Variants in TNFRSF10C observed in about 807,000 individuals in gnomAD.
TNFRSF10C encodes the protein tumor necrosis factor receptor superfamily member 10C.
In TNFRSF10C, 17 loss-of-function variants were observed where a neutral mutation model predicts 16.7. The ratio of observed to expected loss-of-function variants is 1.02; its 90% CI spans 0.70 to 1.53. The LOEUF (loss-of-function observed/expected upper bound fraction) is 1.53, where lower values mean the gene tolerates loss of function less well. TNFRSF10C is among the 40% of genes most tolerant of loss of function. TNFRSF10C has a pLI of 0.00. For missense variants in TNFRSF10C, 237 were observed against 329.7 expected (o/e 0.72, Z 2.18); for synonymous variants, 73 against 119.7 (o/e 0.61, Z 2.55).
intron 3 of TNFRSF10C, 43 bp downstream of exon 3, chr8:23,114,813 G>A (rs374048212): frequency 1.9e-6 from 3 of 1,558,518 alleles, no homozygotes; most frequent in Non-Finnish European, 2.7e-6. Context: ...GGAGCGTGGG[G>A]CAATGAGGTG....
intron 1 of TNFRSF10C, among the ~76,000 whole-genome samples, chr8:23,111,292 C>T: frequency 6.6e-6 from 1 of 151,818 alleles, no homozygotes; most frequent in East Asian, 1.9e-4. Context: ...TCTTGGCTCA[C>T]TGCAACCTCT....
At chr8:23,108,406 C>T (rs968386159) in intron 1 of TNFRSF10C, among the ~76,000 whole-genome samples, 10 of 152,130 alleles carry the variant, frequency 6.6e-5, no homozygotes, top group African/African-American at 1.7e-4. Flanking sequence ...TTTCTGGCAT[C>T]GGCTGTAACC....
At chr8:23,109,495 G>C (rs911901956) in intron 1 of TNFRSF10C, among the ~76,000 whole-genome samples, 5 of 151,990 alleles carry the variant, frequency 3.3e-5, no homozygotes, top group African/African-American at 1.2e-4. Context: ...AAATTAGCCA[G>C]GCGTGGTGGC....
intron 1 of TNFRSF10C, among the ~76,000 whole-genome samples, chr8:23,104,419 C>G (rs1413952417): frequency 6.6e-6 from 1 of 152,240 alleles, no homozygotes; most frequent in Non-Finnish European, 1.5e-5. Flanking sequence ...TTTTAATTCA[C>G]TGTTGCCGCC....
chr8:23,103,741 C>G (rs960403900), intron 1 of TNFRSF10C, among the ~76,000 whole-genome samples: 2 of 152,110 alleles, frequency 1.3e-5, no homozygotes, highest in Admixed American at 1.3e-4. Context: ...CCTCTGTATC[C>G]CATAGGCAGG....
At chr8:23,103,362 A>C (rs2128829331) in intron 1 of TNFRSF10C, 181 bp downstream of exon 1, 2 of 1,086,228 alleles carry the variant, frequency 1.8e-6, no homozygotes, top group Non-Finnish European at 2.7e-6. Context: ...GGCAGGAGGG[A>C]CCCGGCCGCG....
At position 23,117,039 on chromosome 8, in the gene TNFRSF10C, C is replaced by T; in HGVS notation, c.*8C>T. 1 of 1,611,942 alleles carries T rather than the reference C, an allele frequency of 6.2e-7. No individual in the cohort carries two copies. Among genetic ancestry groups the T allele is most frequent in the Non-Finnish European group, 8.5e-7 (1 of 1,178,690 alleles). ...CTGATTGTGTTTGTTTGAAAGACTT[C>T]ACTGTGGAAGAAATTCCTTCCTTAC... is the stretch of plus-strand genomic sequence containing the variant. On this transcript the variant is annotated 3_prime_UTR_variant, in exon 5 of 5. Transcript: ENST00000356864.
rs1253765446 is a variant in TNFRSF10C, at chr8:23,103,179, C to T, written c.58C>T (p.Pro20Ser). The change falls in exon 1 of 5, where the codon CCA becomes TCA. Residue 20 changes from proline (P) to serine (S), a missense_variant and splice_region_variant. Physicochemically the swap from Pro to Ser is moderately conservative, Grantham distance 74. This residue lies in a region of TNFRSF10C where 212 missense variants were observed against 196.8 expected (regional missense o/e 1.08). Transcript: ENST00000356864. ...FVVVIVAVLL[P>S]VLAYSATTAR... ...CGTCGTCATCGTCGCGGTCCTGCTG[C>T]CAGTGAGTCCCGGCCGCGGTCCCTG... 5 of 1,610,194 alleles carry T rather than the reference C, an allele frequency of 3.1e-6. No individual in the cohort carries two copies. The highest frequency in any genetic ancestry group is 4.2e-6 in the Non-Finnish European group (5 of 1,178,584).
In TNFRSF10C at chr8:23,103,152, G is replaced by A; in HGVS notation, c.31G>A (p.Val11Ile). The change falls in exon 1 of 5, where the codon GTC becomes ATC. Residue 11 changes from valine (V) to isoleucine (I), a missense_variant. Physicochemically the swap from Val to Ile is conservative, Grantham distance 29. This residue lies in a region of TNFRSF10C where 212 missense variants were observed against 196.8 expected (regional missense o/e 1.08). Transcript: ENST00000356864. ...CCGGATCCCCAAGACCCTAAAGTTC[G>A]TCGTCGTCATCGTCGCGGTCCTGCT... The part of the protein sequence containing the change: MARIPKTLKF[V>I]VVIVAVLLPV... 6.2e-7 allele frequency: 1 copy of A among 1,612,298 alleles called. No individual in the cohort carries two copies. The highest frequency in any genetic ancestry group is 1.7e-5 in the Admixed American group (1 of 59,828).
chr8:23,115,494 T>C lies in TNFRSF10C; in HGVS notation c.281-14T>C, dbSNP rs532632780. 6.2e-7 allele frequency: 1 copy of C among 1,608,354 alleles called. No homozygotes were observed. Among genetic ancestry groups the C allele is most frequent in the South Asian group, 1.1e-5 (1 of 90,670 alleles). On this transcript the variant is annotated splice_polypyrimidine_tract_variant and intron_variant, in intron 3 of 4. Transcript: ENST00000356864. ...AGGGAAACACATTCCCAAAACCTTA[T>C]GCTCTGTTGTCAGATCAAAAACATA... is the stretch of plus-strand genomic sequence containing the variant.
Position 23,103,155 on chromosome 8 carries a change from G to C in TNFRSF10C, c.34G>C (p.Val12Leu). 6.2e-7 allele frequency: 1 copy of C among 1,612,024 alleles called. No individual in the cohort carries two copies. The highest frequency in any genetic ancestry group is 8.5e-7 in the Non-Finnish European group (1 of 1,179,338). ...ARIPKTLKFV[V>L]VIVAVLLPVL... ...GATCCCCAAGACCCTAAAGTTCGTC[G>C]TCGTCATCGTCGCGGTCCTGCTGCC... Residue 12 changes from valine to leucine, a missense_variant, in exon 1 of 5, where the codon GTC becomes CTC. Transcript: ENST00000356864.
intron 1 of TNFRSF10C, among the ~76,000 whole-genome samples, chr8:23,108,132 GA>G (rs1197164576): frequency 6.6e-6 from 1 of 152,082 alleles, no homozygotes; most frequent in African/African-American, 2.4e-5. Context: ...GAGCAGGAGT[GA>G]AAGTTTATTA....
intron 1 of TNFRSF10C, among the ~76,000 whole-genome samples, chr8:23,108,671 A>C (rs1043200309): frequency 2.0e-5 from 3 of 152,262 alleles, no homozygotes; most frequent in Non-Finnish European, 4.4e-5. Flanking sequence ...CAAAAATAGA[A>C]TTAAAAAGAG....
intron 2 of TNFRSF10C, among the ~76,000 whole-genome samples, chr8:23,113,593 A>G (rs182522627): frequency 5.7e-4 from 87 of 152,348 alleles, no homozygotes; most frequent in African/African-American, 2.0e-3. Context: ...CTTTCTCACA[A>G]TCAATCAACT....
At chr8:23,115,432 G>A (rs1813961535) in intron 3 of TNFRSF10C, 76 bp from the exon 4 acceptor site, 22 of 1,277,620 alleles carry the variant, frequency 1.7e-5, no homozygotes, top group Non-Finnish European at 2.5e-5. Context: ...AGCTGAGTGG[G>A]AGGGGGTGGG....
chr8:23,103,229 C>CGG, intron 1 of TNFRSF10C, 48 bp downstream of exon 1: 1 of 1,588,892 alleles, frequency 6.3e-7, no homozygotes, highest in Non-Finnish European at 8.6e-7. Context: ...CACCTGGCGC[C>CGG]GGGAGGGGGC....
At position 23,117,161 on chromosome 8, in the gene TNFRSF10C, C is replaced by A. The variant is rs1462859912; in HGVS notation, c.*130C>A. On this transcript the variant is annotated 3_prime_UTR_variant, in exon 5 of 5. Coordinates refer to ENST00000356864, the MANE Select transcript of TNFRSF10C (RefSeq NM_003841.5). The stretch of plus-strand genomic sequence containing the variant: ...GTGTTCCCACAGACAGAAACGCCTG[C>A]CCCTGCCCCAAGTCCTGGTGTCTCC... 7.2e-6 allele frequency: 10 copies of A among 1,384,830 alleles called. No individual in the cohort carries two copies. Among genetic ancestry groups the A allele is most frequent in the Non-Finnish European group, 8.8e-6 (9 of 1,025,874 alleles). The allele number at this position is 1,384,830 out of a possible 1,614,324, so 85.8% of individuals were successfully genotyped here.
chr8:23,116,563 G>C, intron 4 of TNFRSF10C, 78 bp from the exon 5 acceptor site: 1 of 1,539,262 alleles, frequency 6.5e-7, no homozygotes, highest in Admixed American at 1.8e-5. Context: ...ACATTGGAGA[G>C]GGAGGGTGGC....
intron 1 of TNFRSF10C, among the ~76,000 whole-genome samples, chr8:23,106,187 C>T (rs564376234): frequency 2.1e-5 from 3 of 143,646 alleles, no homozygotes; most frequent in Admixed American, 7.1e-5. Flanking sequence ...CCCTGGAGCC[C>T]GCAGTGTGGT....
Sources: gnomAD v4.1 joint callset for allele counts (sites outside exome capture counted in the v4.1 genomes callset) on GRCh38, gnomAD v4.1.1 for gene constraint, gnomAD v4.1.1 regional missense constraint, MANE v1.5 for transcripts, NCBI Gene and HGNC (gene_info 2026-07-23, HGNC 2026-07-21) for gene names.